MAML3: variants seen among roughly 807,000 people sequenced by gnomAD.
MAML3 encodes the protein mastermind like transcriptional coactivator 3.
A neutral mutation model predicts 101.9 loss-of-function variants in MAML3; 27 were observed. The ratio of observed to expected loss-of-function variants is 0.27; its 90% CI spans 0.20 to 0.37. The LOEUF is 0.37. MAML3 is among the 10% of genes least tolerant of loss of function. The pLI is 1.00. For synonymous variants in MAML3, 501 were observed against 555.9 expected (o/e 0.90, Z 1.39); for missense variants, 1,316 against 1,444.9 (o/e 0.91, Z 1.45).
At chr4:140,134,651 T>C (rs1173965963) in intron 1 of MAML3, 3 of 268,496 alleles carry the variant, frequency 1.1e-5, no homozygotes, top group Non-Finnish European at 2.2e-5. Context: ...TTTTTTCCAG[T>C]AGATTTTGGC....
chr4:140,094,849 A>C (rs1728129156), intron 1 of MAML3, among the ~76,000 whole-genome samples: 1 of 152,196 alleles, frequency 6.6e-6, no homozygotes, highest in Non-Finnish European at 1.5e-5. Context: ...TGAAGTGTGC[A>C]ATAAGCTGTT....
chr4:140,141,893 C>A (rs539479991), intron 1 of MAML3, among the ~76,000 whole-genome samples: 4 of 152,298 alleles, frequency 2.6e-5, no homozygotes, highest in African/African-American at 7.2e-5. Context: ...TTCCCGCCAA[C>A]TTTTTTCTCT....
chr4:140,118,971 G>T (rs1728559200), intron 1 of MAML3, among the ~76,000 whole-genome samples: 1 of 152,138 alleles, frequency 6.6e-6, no homozygotes, highest in Admixed American at 6.5e-5. Flanking sequence ...TTTGACAAAG[G>T]ATTTGGGAAA....
At chr4:140,131,262 G>C (rs574861562) in intron 1 of MAML3, among the ~76,000 whole-genome samples, 2 of 152,174 alleles carry the variant, frequency 1.3e-5, no homozygotes, top group Non-Finnish European at 2.9e-5. Flanking sequence ...TCCTTCCACT[G>C]TAACGTGCCC....
chr4:140,065,347 T>C (rs553873208), intron 1 of MAML3, among the ~76,000 whole-genome samples: 19 of 152,264 alleles, frequency 1.2e-4, no homozygotes, highest in Admixed American at 3.3e-4. Flanking sequence ...TAGTATTTAT[T>C]TTATAGAAGC....
At chr4:139,778,588 T>A (rs562336408) in intron 2 of MAML3, among the ~76,000 whole-genome samples, 18 of 152,204 alleles carry the variant, frequency 1.2e-4, no homozygotes, top group Non-Finnish European at 2.6e-4. Context: ...TCATAAAGAA[T>A]CGTTAGAGAC....
chr4:139,832,490 G>A (rs577851800), intron 2 of MAML3, among the ~76,000 whole-genome samples: 24 of 152,128 alleles, frequency 1.6e-4, no homozygotes, highest in East Asian at 1.5e-3. Flanking sequence ...TTTACCATCC[G>A]TACCACTCAT....
intron 1 of MAML3, among the ~76,000 whole-genome samples, chr4:139,929,587 A>G (rs781536738): frequency 1.1e-4 from 17 of 152,240 alleles, no homozygotes; most frequent in Non-Finnish European, 2.1e-4. Context: ...AAACTCAAAT[A>G]TACTAGCATC....
intron 1 of MAML3, among the ~76,000 whole-genome samples, chr4:140,122,052 T>C (rs1169512879): frequency 6.6e-6 from 1 of 152,178 alleles, no homozygotes; most frequent in Non-Finnish European, 1.5e-5. Flanking sequence ...GTAAGTTTCC[T>C]GAGGCCTCCC....
intron 1 of MAML3, among the ~76,000 whole-genome samples, chr4:139,903,432 C>T (rs543594173): frequency 6.6e-6 from 1 of 152,330 alleles, no homozygotes; most frequent in South Asian, 2.1e-4. Flanking sequence ...ATTACAGAAT[C>T]TTTACGGCTA....
At chr4:140,126,475 A>G (rs1728687620) in intron 1 of MAML3, among the ~76,000 whole-genome samples, 1 of 152,134 alleles carries the variant, frequency 6.6e-6, no homozygotes, top group African/African-American at 2.4e-5. Flanking sequence ...CTTAGTGTTT[A>G]CTACACCACT....
intron 2 of MAML3, among the ~76,000 whole-genome samples, chr4:139,769,339 C>T (rs571834766): frequency 6.6e-6 from 1 of 152,296 alleles, no homozygotes; most frequent in South Asian, 2.1e-4. Flanking sequence ...CCTGAGAACA[C>T]ATCTCAGGTG....
At chr4:140,110,598 C>T (rs926331170) in intron 1 of MAML3, among the ~76,000 whole-genome samples, 1 of 152,116 alleles carries the variant, frequency 6.6e-6, no homozygotes, top group Non-Finnish European at 1.5e-5. Context: ...GGAAAAAAGC[C>T]TTGTGGAGAA....
At chr4:139,822,129 T>C (rs935074729) in intron 2 of MAML3, among the ~76,000 whole-genome samples, 1 of 151,974 alleles carries the variant, frequency 6.6e-6, no homozygotes, top group Non-Finnish European at 1.5e-5. Flanking sequence ...ATCACCATCA[T>C]CACAATCACC....
At chr4:139,962,122 T>C (rs1388875741) in intron 1 of MAML3, among the ~76,000 whole-genome samples, 1 of 151,554 alleles carries the variant, frequency 6.6e-6, no homozygotes, top group South Asian at 2.1e-4. Flanking sequence ...GATCCTGTTT[T>C]TGTTTTTTTT....
chr4:139,974,748 A>G (rs1734298672), intron 1 of MAML3, among the ~76,000 whole-genome samples: 1 of 152,180 alleles, frequency 6.6e-6, no homozygotes, highest in Admixed American at 6.5e-5. Flanking sequence ...CATATATTAT[A>G]TTGTATTTAT....
chr4:139,910,871 A>G (rs898796856), intron 1 of MAML3, among the ~76,000 whole-genome samples: 6 of 152,226 alleles, frequency 3.9e-5, no homozygotes, highest in Admixed American at 3.3e-4. Context: ...ACAGATATAT[A>G]TAATTGTGGT....
intron 2 of MAML3, among the ~76,000 whole-genome samples, chr4:139,847,006 C>T (rs1731463408): frequency 6.6e-6 from 1 of 152,132 alleles, no homozygotes; most frequent in Non-Finnish European, 1.5e-5. Context: ...TTAGGATTTT[C>T]CGAATCTATG....
chr4:139,864,631 G>C (rs565757683), intron 2 of MAML3, among the ~76,000 whole-genome samples: 1 of 134,844 alleles, frequency 7.4e-6, no homozygotes, highest in African/African-American at 2.9e-5. Flanking sequence ...AGCCAAGATC[G>C]CGTCACTGCC....
Sources: gnomAD v4.1 joint callset for allele counts (sites outside exome capture counted in the v4.1 genomes callset) on GRCh38, gnomAD v4.1.1 for gene constraint, MANE v1.5 for transcripts, NCBI Gene and HGNC (gene_info 2026-07-23, HGNC 2026-07-21) for gene names.